EHD4: variants seen among roughly 807,000 people sequenced by gnomAD.
EHD4 encodes the protein EH domain-containing protein 4.
A neutral mutation model predicts 51.0 loss-of-function variants in EHD4; 37 were observed. The ratio of observed to expected loss-of-function variants is 0.73; its 90% CI spans 0.56 to 0.95. The LOEUF is 0.95. Ranked by LOEUF, EHD4 falls within the 40% of genes least tolerant of loss-of-function variation. The pLI is 0.00. For missense variants in EHD4, 632 were observed against 733.1 expected, an observed-to-expected ratio of 0.86 and a Z score of 1.59; for synonymous variants, 297 against 317.3, an observed-to-expected ratio of 0.94 and a Z score of 0.68.
At chr15:41,938,846 A>G (rs1313842429) in intron 3 of EHD4, among the ~76,000 whole-genome samples, 3 of 152,262 alleles carry the variant, frequency 2.0e-5, no homozygotes, top group African/African-American at 7.2e-5. Flanking sequence ...TTGCTACATT[A>G]TAATTTTTCA....
chr15:41,920,103 C>T (rs897784650), intron 3 of EHD4, among the ~76,000 whole-genome samples: 9 of 152,216 alleles, frequency 5.9e-5, no homozygotes, highest in South Asian at 2.1e-4. Context: ...ACAGAAGAGG[C>T]ATCGCCTTCA....
chr15:41,935,034 C>T (rs1230187159), intron 3 of EHD4, among the ~76,000 whole-genome samples: 1 of 152,178 alleles, frequency 6.6e-6, no homozygotes, highest in Admixed American at 6.5e-5. Flanking sequence ...CTGATCTCAT[C>T]ACCCACCACT....
At position 41,909,960 on chromosome 15, in the gene EHD4, A is replaced by C. The variant is rs1207279686; in HGVS notation, c.925-97T>G. The C allele has an allele frequency of 2.7e-6, 4 of 1,468,448 alleles. No individual in the cohort carries two copies. In the African/African-American group the frequency reaches 5.5e-5, roughly 20 times the overall value. 91.0% of individuals were successfully genotyped at this position (1,468,448 alleles called of 1,614,324 possible). ...TCTTAACTCCATCATAACACATAAC[A>C]GGTACCCACACAAACCAGGTCCCAA... is the stretch of plus-strand genomic sequence containing the variant. On this transcript the variant is annotated intron_variant, in intron 4 of 5. Transcript: ENST00000220325.
At chr15:41,917,202 C>T (rs1369277538) in intron 4 of EHD4, among the ~76,000 whole-genome samples, 4 of 152,188 alleles carry the variant, frequency 2.6e-5, no homozygotes, top group East Asian at 1.9e-4. Flanking sequence ...CTCACTGCAA[C>T]CTCCACCTCC....
At chr15:41,935,751 G>T (rs1352358960) in intron 3 of EHD4, among the ~76,000 whole-genome samples, 1 of 152,216 alleles carries the variant, frequency 6.6e-6, no homozygotes, top group Non-Finnish European at 1.5e-5. Flanking sequence ...ACCTTAAAAT[G>T]TAGTGGCTTA....
At chr15:41,924,488 A>C (rs529944549) in intron 3 of EHD4, among the ~76,000 whole-genome samples, 11 of 152,358 alleles carry the variant, frequency 7.2e-5, no homozygotes, top group Admixed American at 2.0e-4. Flanking sequence ...ATATACGTGA[A>C]GCATTTAGAA....
chr15:41,902,267 C>T (rs1438904563), intron 5 of EHD4, among the ~76,000 whole-genome samples: 1 of 151,836 alleles, frequency 6.6e-6, no homozygotes, highest in Non-Finnish European at 1.5e-5. Context: ...ATCCATCCAT[C>T]CATCCATCCA....
intron 4 of EHD4, among the ~76,000 whole-genome samples, chr15:41,911,423 T>C (rs2067548503): frequency 2.0e-5 from 3 of 151,712 alleles, no homozygotes. Context: ...ACCGCTGTGA[T>C]GAGCAAGTGG....
intron 1 of EHD4, among the ~76,000 whole-genome samples, chr15:41,966,957 A>G (rs2067965531): frequency 6.6e-6 from 1 of 152,144 alleles, no homozygotes; most frequent in Non-Finnish European, 1.5e-5. Flanking sequence ...TGGCTACTAA[A>G]TGCTGACACT....
At chr15:41,923,814 CAG>C (rs1346890801) in intron 3 of EHD4, among the ~76,000 whole-genome samples, 2 of 152,212 alleles carry the variant, frequency 1.3e-5, no homozygotes, top group African/African-American at 4.8e-5. Flanking sequence ...GTCGAGGAAA[CAG>C]AACTGAAACA....
At chr15:41,950,232 G>T (rs2067844158) in intron 2 of EHD4, among the ~76,000 whole-genome samples, 1 of 152,226 alleles carries the variant, frequency 6.6e-6, no homozygotes. Context: ...CTGTGACTCG[G>T]GCTTTGCTGG....
chr15:41,966,257 A>T (rs1264378014), intron 1 of EHD4, among the ~76,000 whole-genome samples: 1 of 151,666 alleles, frequency 6.6e-6, no homozygotes, highest in Non-Finnish European at 1.5e-5. Context: ...TCACAGGCAC[A>T]CCTCTTGGCA....
intron 1 of EHD4, among the ~76,000 whole-genome samples, chr15:41,966,112 T>C (rs938304599): frequency 2.0e-5 from 3 of 152,176 alleles, no homozygotes; most frequent in African/African-American, 7.2e-5. Flanking sequence ...TCTGCTGAGG[T>C]TGTGCTTGTC....
intron 3 of EHD4, among the ~76,000 whole-genome samples, chr15:41,929,042 G>A (rs1183542995): frequency 6.6e-6 from 1 of 152,162 alleles, no homozygotes; most frequent in Non-Finnish European, 1.5e-5. Flanking sequence ...CCACCTCTTG[G>A]AGAATGTAAC....
intron 1 of EHD4, among the ~76,000 whole-genome samples, chr15:41,954,180 G>A (rs2067871366): frequency 6.6e-6 from 1 of 152,164 alleles, no homozygotes; most frequent in Non-Finnish European, 1.5e-5. Context: ...AGCTCCCTTA[G>A]GGGAGCCTCC....
chr15:41,907,337 T>G (rs2067519435), intron 5 of EHD4, among the ~76,000 whole-genome samples: 1 of 152,218 alleles, frequency 6.6e-6, no homozygotes, highest in African/African-American at 2.4e-5. Flanking sequence ...GTCTTACTCC[T>G]TGGTCATGGG....
intron 2 of EHD4, among the ~76,000 whole-genome samples, chr15:41,950,768 A>T (rs1010929112): frequency 1.3e-5 from 2 of 151,758 alleles, no homozygotes; most frequent in Non-Finnish European, 2.9e-5. Flanking sequence ...GGTGTGGGAC[A>T]GGGGAGAAGG....
rs2067457902 is a variant in EHD4, at chr15:41,898,950, A to G, written c.*1695T>C. 2 of 152,222 alleles carry G rather than the reference A, an allele frequency of 1.3e-5. No homozygotes were observed. Among genetic ancestry groups the G allele is most frequent in the Admixed American group, 6.5e-5 (1 of 15,290 alleles). The allele number at this position is 152,222 out of a possible 1,614,324, so 9.4% of individuals were successfully genotyped here. A position where few individuals can be genotyped will look rare whatever the true frequency, so the allele number is the denominator to read the frequency against. ...CATTTCCTGCTCTTAAAACTAAATTATGTAGAAAGTAAGCTAGGGAGTGTA... is the reference window on the plus strand; with the variant it reads ...CATTTCCTGCTCTTAAAACTAAATTGTGTAGAAAGTAAGCTAGGGAGTGTA... On this transcript the variant is annotated 3_prime_UTR_variant, in exon 6 of 6. Transcript: ENST00000220325.
chr15:41,900,612 C>G lies in EHD4; in HGVS notation c.*33G>C. On this transcript the variant is annotated 3_prime_UTR_variant, in exon 6 of 6. Coordinates refer to ENST00000220325, the MANE Select transcript of EHD4 (RefSeq NM_139265.4). This position sits in a 1 kb window ranked among gnomAD's most constrained non-coding sequence, Gnocchi z 4.8. ...GTGGAGCAGGCCTGAGGCCCAGGTC[C>G]CCCAGTTCCCACCCCGTTCTGCAGC... 6.5e-7 allele frequency: 1 copy of G among 1,532,852 alleles called. No homozygotes were observed. Among genetic ancestry groups the G allele is most frequent in the South Asian group, 1.2e-5 (1 of 80,626 alleles). 95.0% of individuals were successfully genotyped at this position (1,532,852 alleles called of 1,614,324 possible).
Sources: gnomAD v4.1 joint callset for allele counts (sites outside exome capture counted in the v4.1 genomes callset) on GRCh38, gnomAD v4.1.1 for gene constraint, Gnocchi (gnomAD v3.1) non-coding constraint, MANE v1.5 for transcripts, NCBI Gene and HGNC (gene_info 2026-07-23, HGNC 2026-07-21) for gene names.